The following WDR70 variants were observed in gnomAD, a reference collection of about 807,000 sequenced individuals.
WDR70 encodes WD repeat-containing protein 70.
WDR70 carries 53 observed loss-of-function variants against 88.6 expected under a neutral mutation model. The observed-to-expected ratio is 0.60, with a 90% CI of 0.48 to 0.75. The LOEUF (loss-of-function observed/expected upper bound fraction) is 0.75. Among genes scored for constraint, WDR70 ranks in the 30% least tolerant of loss-of-function variants. The probability of loss-of-function intolerance (pLI) is 0.00; values close to 1 mark genes in which losing one functional copy is unlikely to be tolerated. For missense variants in WDR70, 610 were observed against 823.2 expected (o/e 0.74, Z 3.17); for synonymous variants, 280 against 270.0 (o/e 1.04, Z -0.36).
At chr5:37,484,319 G>A (rs1291394202) in intron 8 of WDR70, among the ~76,000 whole-genome samples, 1 of 152,178 alleles carries the variant, frequency 6.6e-6, no homozygotes. Flanking sequence ...TCGGGAGGCT[G>A]AGGCTGGCAG....
chr5:37,723,121 G>A, intron 15 of WDR70, 187 bp downstream of exon 15: 1 of 630,312 alleles, frequency 1.6e-6, no homozygotes, highest in Non-Finnish European at 2.8e-6. Context: ...CTCATCACAG[G>A]GACAGGGTTA....
In WDR70 at chr5:37,732,907, C is replaced by T. The variant is rs556754605; in HGVS notation, c.1877+5862C>T. On this transcript the variant is annotated intron_variant, in intron 17 of 17. Coordinates refer to ENST00000265107, the MANE Select transcript of WDR70 (RefSeq NM_018034.4). Reference sequence around the variant, plus strand: ...GGGTTTTATTTAGGAAGGCATCTCCCGTCCAATATTAGTCTTGAAATTCCC... The same window carrying T: ...GGGTTTTATTTAGGAAGGCATCTCCTGTCCAATATTAGTCTTGAAATTCCC... 4.5e-4 allele frequency among the ~76,000 whole-genome samples: 68 copies of T among 151,960 alleles called. No homozygotes were observed. The South Asian group carries it at 0.013, about 30-fold the overall frequency.
intron 7 of WDR70, among the ~76,000 whole-genome samples, chr5:37,462,208 T>C (rs1581303457): frequency 6.6e-6 from 1 of 152,316 alleles, no homozygotes; most frequent in South Asian, 2.1e-4. Context: ...GGATTTCTTA[T>C]TTATATTCTT....
At chr5:37,473,442 C>T (rs1739388715) in intron 7 of WDR70, among the ~76,000 whole-genome samples, 1 of 150,752 alleles carries the variant, frequency 6.6e-6, no homozygotes, top group Admixed American at 6.6e-5. Context: ...CTCCTGGGTT[C>T]AAGCGATTCT....
At chr5:37,673,583 A>ACCCCCCCCC (rs139281997) in intron 10 of WDR70, among the ~76,000 whole-genome samples, 6 of 76,236 alleles carry the variant, frequency 7.9e-5, no homozygotes, top group East Asian at 4.9e-4. Context: ...GACTTTTCTT[A>ACCCCCCCCC]CCCCCCCCCC....
chr5:37,496,671 T>G (rs1385018512), intron 8 of WDR70, among the ~76,000 whole-genome samples: 1 of 152,226 alleles, frequency 6.6e-6, no homozygotes. Flanking sequence ...CAGTAAAAGA[T>G]CTGCTTTCTG....
intron 7 of WDR70, among the ~76,000 whole-genome samples, chr5:37,476,713 G>T (rs1411763711): frequency 2.0e-5 from 3 of 152,110 alleles, no homozygotes; most frequent in Non-Finnish European, 4.4e-5. Flanking sequence ...ACCACACCTG[G>T]CTAATTTTTT....
chr5:37,513,990 A>G (rs1740802209), intron 8 of WDR70, among the ~76,000 whole-genome samples: 1 of 152,044 alleles, frequency 6.6e-6, no homozygotes, highest in Non-Finnish European at 1.5e-5. Flanking sequence ...TAAAAGGTTA[A>G]GTGGCATTTT....
chr5:37,570,110 A>G (rs938269523), intron 9 of WDR70, among the ~76,000 whole-genome samples: 13 of 152,226 alleles, frequency 8.5e-5, no homozygotes, highest in African/African-American at 3.1e-4. Context: ...AGTAATTTAT[A>G]CTAGAGGCGA....
At chr5:37,661,984 T>G (rs903259663) in intron 10 of WDR70, among the ~76,000 whole-genome samples, 6 of 152,212 alleles carry the variant, frequency 3.9e-5, no homozygotes, top group Non-Finnish European at 8.8e-5. Context: ...AAGGGCTCTT[T>G]TCTGGAAAAG....
intron 9 of WDR70, among the ~76,000 whole-genome samples, chr5:37,540,833 T>G (rs1451335498): frequency 1.3e-5 from 2 of 152,246 alleles, no homozygotes; most frequent in Admixed American, 6.5e-5. Flanking sequence ...TGATGCCTTT[T>G]GTCATGATTT....
chr5:37,658,229 CA>C (rs1220475119), intron 10 of WDR70, among the ~76,000 whole-genome samples: 1 of 149,374 alleles, frequency 6.7e-6, no homozygotes, highest in Non-Finnish European at 1.5e-5. Flanking sequence ...ATAGGCAGGG[CA>C]AAGTCTGCAT....
intron 5 of WDR70, among the ~76,000 whole-genome samples, chr5:37,402,075 A>T (rs1392453346): frequency 6.6e-6 from 1 of 152,074 alleles, no homozygotes; most frequent in Non-Finnish European, 1.5e-5. Context: ...AACTCTCTTT[A>T]TACCCCTCTT....
In WDR70 at chr5:37,437,935, A is replaced by G; in HGVS notation, c.506A>G (p.Lys169Arg). The stretch of plus-strand genomic sequence containing the variant: ...TTCTTGTTTCAGAATCCTGTTCACA[A>G]GATTCCTGACTCGCATGAGATAACG... ...EEEEEENPVH[K>R]IPDSHEITLK... The change falls in exon 6 of 18, where the codon AAG (lysine) becomes AGG (arginine). Residue 169 changes from lysine (K) to arginine (R), a missense_variant. Physicochemically the swap from Lys to Arg is conservative, Grantham distance 26 (BLOSUM62 2). Transcript: ENST00000265107. 2 of 1,609,354 alleles carry G rather than the reference A, an allele frequency of 1.2e-6. No homozygotes were observed. Among genetic ancestry groups the G allele is most frequent in the Admixed American group, 1.7e-5 (1 of 59,300 alleles).
At chr5:37,379,450 C>T (rs1195309342) in intron 1 of WDR70, 39 bp from the exon 2 acceptor site, 1 of 1,613,830 alleles carries the variant, frequency 6.2e-7, no homozygotes, top group Non-Finnish European at 8.5e-7. Flanking sequence ...GCTGGGGCGC[C>T]GCACTAACTA....
intron 9 of WDR70, among the ~76,000 whole-genome samples, chr5:37,549,416 A>G (rs1236083974): frequency 6.6e-6 from 1 of 152,110 alleles, no homozygotes; most frequent in Non-Finnish European, 1.5e-5. Context: ...TGAGATTTTT[A>G]AAAGTTTCTT....
intron 9 of WDR70, among the ~76,000 whole-genome samples, chr5:37,587,309 C>T (rs752006171): frequency 2.0e-5 from 3 of 151,998 alleles, no homozygotes; most frequent in Admixed American, 1.3e-4. Flanking sequence ...CTTGTGCCCA[C>T]TGTGTACTTC....
intron 9 of WDR70, among the ~76,000 whole-genome samples, chr5:37,529,587 T>C (rs1375058267): frequency 6.6e-6 from 1 of 152,036 alleles, no homozygotes; most frequent in Non-Finnish European, 1.5e-5. Context: ...TTTGCAGCTA[T>C]TGTGAAAGTG....
At chr5:37,452,822 G>A (rs887140751) in intron 7 of WDR70, among the ~76,000 whole-genome samples, 1 of 152,194 alleles carries the variant, frequency 6.6e-6, no homozygotes, top group Non-Finnish European at 1.5e-5. Context: ...GCAGCATCAT[G>A]GTGAGTAAGT....
Sources: gnomAD v4.1 joint callset for allele counts (sites outside exome capture counted in the v4.1 genomes callset) on GRCh38, gnomAD v4.1.1 for gene constraint, MANE v1.5 for transcripts, NCBI Gene and HGNC (gene_info 2026-07-23, HGNC 2026-07-21) for gene names.